ZDHHC9: variants seen among roughly 807,000 people sequenced by gnomAD.
ZDHHC9 encodes zDHHC palmitoyltransferase 9, also known as palmitoyltransferase ZDHHC9.
Under a neutral mutation model 26.6 loss-of-function variants are expected in ZDHHC9, and 3 were observed. The observed-to-expected ratio is 0.11, with a 90% CI of 0.05 to 0.29. The LOEUF (loss-of-function observed/expected upper bound fraction) is 0.29. ZDHHC9 is among the 10% of genes least tolerant of loss of function. The pLI is 1.00. For synonymous variants in ZDHHC9, 111 were observed against 109.4 expected (o/e 1.01, Z -0.09); for missense variants, 146 against 296.4 (o/e 0.49, Z 3.73).
intron 3 of ZDHHC9, among the ~76,000 whole-genome samples, chrX:129,838,993 C>G (rs952165257): frequency 3.6e-5 from 4 of 112,459 alleles, no homozygotes; most frequent in African/African-American, 1.3e-4. Flanking sequence ...CACACTTGTT[C>G]CTAAGCACCT....
At chrX:129,813,750 A>G (rs773918366) in intron 6 of ZDHHC9, 25 bp from the exon 7 acceptor site, 1 of 1,192,509 alleles carries the variant, frequency 8.4e-7, no homozygotes, top group South Asian at 1.8e-5. Flanking sequence ...GGAAGAGTAG[A>G]GAGAAAAATT....
Position 129,814,669 on chromosome X carries a change from T to C in ZDHHC9, c.614A>G (p.Tyr205Cys), listed in dbSNP as rs2124105555. 1.7e-6 allele frequency: 2 copies of C among 1,210,782 alleles called. No individual in the cohort carries two copies. The highest frequency in any genetic ancestry group is 2.2e-6 in the Non-Finnish European group (2 of 895,122). The change falls in exon 6 of 11, where the codon TAT becomes TGT. Residue 205 changes from tyrosine to cysteine, a missense_variant. Physicochemically the swap from Tyr to Cys is radical, Grantham distance 194 (BLOSUM62 -2). Around this residue, in one of 2 missense-constraint regions of ZDHHC9, gnomAD observed 100 missense variants for 250.0 expected, o/e 0.40. Transcript: ENST00000357166. ...CCCTGTATACTCACTGAGGGCCACA[T>C]AGACGATGTTGAAGGCGAAGACATA... ...TIYVFAFNIV[Y>C]VALKSLKIGF...
chrX:129,827,947 G>T (rs944830966), intron 4 of ZDHHC9, among the ~76,000 whole-genome samples: 2 of 111,722 alleles, frequency 1.8e-5, no homozygotes, highest in African/African-American at 6.5e-5. Flanking sequence ...CTCCCGAGTA[G>T]CTGGGATTAC....
chrX:129,824,978 T>C (rs1472067397), intron 4 of ZDHHC9, among the ~76,000 whole-genome samples: 1 of 112,129 alleles, frequency 8.9e-6, no homozygotes, highest in African/African-American at 3.2e-5. Flanking sequence ...GAAATAAAAG[T>C]AATGCTTGCT....
At position 129,805,430 on chromosome X, in the gene ZDHHC9, C is replaced by T. The variant is rs1196742080; in HGVS notation, c.*940G>A. The T allele has an allele frequency of 9.0e-6, 1 of 111,323 alleles. No homozygotes were observed. The highest frequency in any genetic ancestry group is 2.8e-4 in the East Asian group (1 of 3,524). The allele number at this position is 111,323 out of a possible 1,213,427, so 9.2% of individuals were successfully genotyped here. On this transcript the variant is annotated 3_prime_UTR_variant, in exon 11 of 11. Transcript: ENST00000357166. ...GCATTCAGGGCCTCTGCAGGCCTCACACAGGGAGTCTGAGGGGATAGTGTT... is the reference window on the plus strand; with the variant it reads ...GCATTCAGGGCCTCTGCAGGCCTCATACAGGGAGTCTGAGGGGATAGTGTT...
At chrX:129,841,099 C>A (rs1208911164) in intron 3 of ZDHHC9, among the ~76,000 whole-genome samples, 9 of 96,159 alleles carry the variant, frequency 9.4e-5, no homozygotes, top group Non-Finnish European at 2.0e-4. Context: ...GCCACCTCCC[C>A]TAGAGACGAG....
At chrX:129,838,264 C>A (rs1203245812) in intron 3 of ZDHHC9, among the ~76,000 whole-genome samples, 2 of 112,281 alleles carry the variant, frequency 1.8e-5, no homozygotes, top group Admixed American at 9.4e-5. Flanking sequence ...TCCAGACAGA[C>A]ACAGAGTTAT....
At chrX:129,835,520 C>T (rs1280072832) in intron 3 of ZDHHC9, among the ~76,000 whole-genome samples, 2 of 110,202 alleles carry the variant, frequency 1.8e-5, no homozygotes, top group African/African-American at 3.3e-5. Flanking sequence ...CAGTAGCTCA[C>T]GCCTGTAATC....
chrX:129,843,827 G>T lies in ZDHHC9; in HGVS notation c.-335C>A, dbSNP rs1397656650. 1.8e-5 allele frequency: 2 copies of T among 111,848 alleles called. No individual in the cohort carries two copies. Among genetic ancestry groups the T allele is most frequent in the Non-Finnish European group, 3.8e-5 (2 of 52,990 alleles). 9.2% of individuals were successfully genotyped at this position (111,848 alleles called of 1,213,427 possible). On this transcript the variant is annotated 5_prime_UTR_variant, in exon 1 of 11. Coordinates refer to ENST00000357166, the MANE Select transcript of ZDHHC9 (RefSeq NM_016032.4). ...CGGGAGGCTGTCTCCTCCTGACAAG[G>T]GGCCCCAGTGGTCGGGGCCCTAAAC... is the stretch of plus-strand genomic sequence containing the variant.
At chrX:129,843,663 G>GA (rs1480552370) in intron 1 of ZDHHC9, 33 bp downstream of exon 1, 2 of 110,958 alleles carry the variant, frequency 1.8e-5, no homozygotes. Flanking sequence ...CTGCAGCCGA[G>GA]CCCAGGAGAC....
At chrX:129,841,690 A>G in intron 3 of ZDHHC9, 89 bp downstream of exon 3, 1 of 1,122,823 alleles carries the variant, frequency 8.9e-7, no homozygotes, top group Non-Finnish European at 1.2e-6. Flanking sequence ...AAGTCATCCA[A>G]GGACCAGCCC....
chrX:129,819,105 G>A (rs896737469), intron 5 of ZDHHC9, among the ~76,000 whole-genome samples: 6 of 104,303 alleles, frequency 5.8e-5, no homozygotes, highest in Middle Eastern at 4.9e-3. Flanking sequence ...CCCAGGAGGC[G>A]GAGCTTGCAG....
At chrX:129,821,839 T>C (rs1927895202) in intron 5 of ZDHHC9, among the ~76,000 whole-genome samples, 1 of 109,990 alleles carries the variant, frequency 9.1e-6, no homozygotes, top group African/African-American at 3.3e-5. Flanking sequence ...GGAGAATCGC[T>C]TGAACCCAGG....
In ZDHHC9 at chrX:129,839,223, C is replaced by CT. The variant is rs767316222; in HGVS notation, c.167+2555dup. Among the ~76,000 whole-genome samples, 652 of 94,630 alleles carry CT rather than the reference C, an allele frequency of 6.9e-3. 1 individual carries two copies. Among genetic ancestry groups the CT allele is most frequent in the Middle Eastern group, 0.011 (2 of 189 alleles). The allele number at this position is 94,630 out of a possible 115,157, so 82.2% of individuals were successfully genotyped here. A position where few individuals can be genotyped will look rare whatever the true frequency, so the allele number is the denominator to read the frequency against. ...TGATTTCCTGAGGCCTCACTAAGTT[C>CT]TTTTTTTTTTTTTTTTTTAAGACAG... On this transcript the variant is annotated intron_variant, in intron 3 of 10. Coordinates refer to ENST00000357166, the MANE Select transcript of ZDHHC9 (RefSeq NM_016032.4).
At position 129,804,841 on chromosome X, in the gene ZDHHC9, GT is replaced by G. The variant is rs1284274007; in HGVS notation, c.*1528del. Reference sequence around the variant, plus strand: ...CCCAAGGGTGCCCTGGTTAATGGAAGTTTGGGGAGTAACAAGCAACCCCTTC... The same window carrying G: ...CCCAAGGGTGCCCTGGTTAATGGAAGTTGGGGAGTAACAAGCAACCCCTTC... On this transcript the variant is annotated 3_prime_UTR_variant, in exon 11 of 11. Coordinates refer to ENST00000357166, the MANE Select transcript of ZDHHC9 (RefSeq NM_016032.4). 1 of 111,467 alleles carries G rather than the reference GT, an allele frequency of 9.0e-6. No homozygotes were observed. Among genetic ancestry groups the G allele is most frequent in the Non-Finnish European group, 1.9e-5 (1 of 53,079 alleles). 9.2% of individuals were successfully genotyped at this position (111,467 alleles called of 1,213,427 possible). A position where few individuals can be genotyped will look rare whatever the true frequency, so the allele number is the denominator to read the frequency against.
At position 129,841,656 on chromosome X, in the gene ZDHHC9, C is replaced by T. The variant is rs1453129588; in HGVS notation, c.167+123G>A. ...GCAATGAATTCAGCTGGCATCTCTA[C>T]AGACATCGCTCAAGAGGACGTTAAA... On this transcript the variant is annotated intron_variant, in intron 3 of 10. Transcript: ENST00000357166. 3 of 877,010 alleles carry T rather than the reference C, an allele frequency of 3.4e-6. No individual in the cohort carries two copies. In the East Asian group the frequency reaches 9.3e-5, roughly 27 times the overall value. The allele number at this position is 877,010 out of a possible 1,213,427, so 72.3% of individuals were successfully genotyped here.
intron 4 of ZDHHC9, among the ~76,000 whole-genome samples, chrX:129,824,856 T>A (rs923093808): frequency 5.4e-5 from 6 of 112,081 alleles, no homozygotes; most frequent in African/African-American, 1.9e-4. Context: ...AAATACAATA[T>A]ATGGCAAAAT....
rs777850489 is a variant in ZDHHC9, at chrX:129,814,839, A to G, written c.488-44T>C. The G allele has an allele frequency of 2.5e-6, 3 of 1,201,065 alleles. No homozygotes were observed. The Admixed American group carries it at 6.5e-5, about 26-fold the overall frequency. On this transcript the variant is annotated intron_variant, in intron 5 of 10. Transcript: ENST00000357166. ...GTCCAAAGCCAAAAGCCTCCAGAAC[A>G]AAAATCAACCCCACCATCCCTATAA...
At chrX:129,833,620 A>G (rs944945351) in intron 3 of ZDHHC9, among the ~76,000 whole-genome samples, 2 of 112,332 alleles carry the variant, frequency 1.8e-5, no homozygotes, top group African/African-American at 6.5e-5. Flanking sequence ...CAGTCAGCCA[A>G]CAAGTACTTG....
Sources: gnomAD v4.1 joint callset for allele counts (sites outside exome capture counted in the v4.1 genomes callset) on GRCh38, gnomAD v4.1.1 for gene constraint, gnomAD v4.1.1 regional missense constraint, MANE v1.5 for transcripts, NCBI Gene and HGNC (gene_info 2026-07-23, HGNC 2026-07-21) for gene names.